FBXL7: variants seen among roughly 807,000 people sequenced by gnomAD.
FBXL7 encodes the protein F-box/LRR-repeat protein 7.
A neutral mutation model predicts 38.3 loss-of-function variants in FBXL7; 12 were observed. That is an observed-to-expected ratio of 0.31 (90% confidence interval 0.20 to 0.51). The LOEUF (loss-of-function observed/expected upper bound fraction) is 0.51. Among genes scored for constraint, FBXL7 ranks in the 20% least tolerant of loss-of-function variants. The probability of loss-of-function intolerance (pLI) is 0.98; values close to 1 mark genes in which losing one functional copy is unlikely to be tolerated. For synonymous variants in FBXL7, 297 were observed against 300.9 expected (o/e 0.99, Z 0.13); for missense variants, 567 against 676.4 (o/e 0.84, Z 1.79).
intron 2 of FBXL7, among the ~76,000 whole-genome samples, chr5:15,780,424 T>G (rs1736964470): frequency 6.6e-6 from 1 of 152,144 alleles, no homozygotes; most frequent in Admixed American, 6.6e-5. Flanking sequence ...TAATTTGAAT[T>G]GGAATTGCCC....
At chr5:15,875,684 A>T (rs1384046909) in intron 2 of FBXL7, among the ~76,000 whole-genome samples, 1 of 152,232 alleles carries the variant, frequency 6.6e-6, no homozygotes, top group Non-Finnish European at 1.5e-5. Flanking sequence ...GAGAAATGCA[A>T]ATCAAAACCA....
Position 15,937,009 on chromosome 5 carries a change from C to T in FBXL7, c.1299C>T (p.Leu433=), listed in dbSNP as rs1448785651. The T allele has an allele frequency of 2.5e-6, 4 of 1,613,914 alleles. No individual in the cohort carries two copies. The highest frequency in any genetic ancestry group is 2.5e-6 in the Non-Finnish European group (3 of 1,179,910). The change falls in exon 4 of 4, where the codon CTC becomes CTT. Residue 433 remains leucine, a synonymous_variant. Transcript: ENST00000504595. ...TGAACTGCTTCAACCTCAAGCGGCTCAGCCTCAAGTCCTGCGAGAGCATCA... is the reference window on the plus strand; with the variant it reads ...TGAACTGCTTCAACCTCAAGCGGCTTAGCCTCAAGTCCTGCGAGAGCATCA... ...LALNCFNLKR[L]SLKSCESITG...
At chr5:15,528,971 A>T (rs1199389020) in intron 1 of FBXL7, among the ~76,000 whole-genome samples, 4 of 152,332 alleles carry the variant, frequency 2.6e-5, no homozygotes, top group Non-Finnish European at 5.9e-5. Context: ...ATTTTTAAGT[A>T]TACATTATTA....
chr5:15,626,067 G>T (rs1426624909), intron 2 of FBXL7, among the ~76,000 whole-genome samples: 1 of 152,110 alleles, frequency 6.6e-6, no homozygotes, highest in African/African-American at 2.4e-5. Context: ...ATAAAGGTTT[G>T]TTTTCGTCTT....
At chr5:15,804,135 A>C (rs1737643384) in intron 2 of FBXL7, among the ~76,000 whole-genome samples, 1 of 152,178 alleles carries the variant, frequency 6.6e-6, no homozygotes, top group African/African-American at 2.4e-5. Context: ...TACATTTTGC[A>C]ATATATTTTT....
chr5:15,870,476 G>T (rs532664302), intron 2 of FBXL7, among the ~76,000 whole-genome samples: 1 of 152,080 alleles, frequency 6.6e-6, no homozygotes, highest in Admixed American at 6.6e-5. Flanking sequence ...AGAGGATGAG[G>T]TTAGATACAC....
intron 2 of FBXL7, among the ~76,000 whole-genome samples, chr5:15,711,608 G>T (rs1324076965): frequency 6.6e-6 from 1 of 152,170 alleles, no homozygotes; most frequent in African/African-American, 2.4e-5. Context: ...CATTAAGGAT[G>T]TTGAAAGCTA....
chr5:15,923,127 T>C (rs1741786774), intron 2 of FBXL7, among the ~76,000 whole-genome samples: 1 of 152,228 alleles, frequency 6.6e-6, no homozygotes, highest in Admixed American at 6.5e-5. Context: ...TATTTGTCTC[T>C]GATGTTCTCC....
chr5:15,856,980 A>G (rs913742734), intron 2 of FBXL7, among the ~76,000 whole-genome samples: 1 of 152,198 alleles, frequency 6.6e-6, no homozygotes, highest in African/African-American at 2.4e-5. Context: ...TTTGTAAGAT[A>G]AATTACCTAC....
chr5:15,811,903 T>C (rs1037230260), intron 2 of FBXL7, among the ~76,000 whole-genome samples: 3 of 152,108 alleles, frequency 2.0e-5, no homozygotes, highest in African/African-American at 4.8e-5. Flanking sequence ...TGTAAATTAG[T>C]TCAACCATTG....
intron 2 of FBXL7, among the ~76,000 whole-genome samples, chr5:15,783,642 G>T (rs1404640077): frequency 6.6e-6 from 1 of 152,160 alleles, no homozygotes; most frequent in African/African-American, 2.4e-5. Flanking sequence ...AGGTTCAGGG[G>T]ATACCCAAGA....
intron 1 of FBXL7, among the ~76,000 whole-genome samples, chr5:15,535,989 T>C (rs1249899499): frequency 6.6e-6 from 1 of 152,250 alleles, no homozygotes; most frequent in African/African-American, 2.4e-5. Context: ...GCCTTGCTGC[T>C]CTGTGCAGCC....
At chr5:15,630,698 G>C (rs954015372) in intron 2 of FBXL7, among the ~76,000 whole-genome samples, 2 of 152,114 alleles carry the variant, frequency 1.3e-5, no homozygotes, top group African/African-American at 4.8e-5. Context: ...ATTGGAACTG[G>C]ACAGGACAGA....
At chr5:15,792,240 A>C (rs16867734) in intron 2 of FBXL7, among the ~76,000 whole-genome samples, 4,761 of 152,220 alleles carry the variant, frequency 0.031, 247 homozygotes, top group African/African-American at 0.11. Context: ...GATGCCATGG[A>C]GTATCTTCCC....
At chr5:15,892,223 G>A (rs1411886218) in intron 2 of FBXL7, among the ~76,000 whole-genome samples, 1 of 152,236 alleles carries the variant, frequency 6.6e-6, no homozygotes, top group Non-Finnish European at 1.5e-5. Flanking sequence ...AGGGAAGTGT[G>A]CATGGCACAT....
chr5:15,836,733 A>G (rs1329741539), intron 2 of FBXL7, among the ~76,000 whole-genome samples: 2 of 152,166 alleles, frequency 1.3e-5, no homozygotes, highest in East Asian at 1.9e-4. Context: ...ATTTAGTCAG[A>G]GGTACTCTTC....
At chr5:15,904,962 T>C (rs1016211589) in intron 2 of FBXL7, among the ~76,000 whole-genome samples, 9 of 152,176 alleles carry the variant, frequency 5.9e-5, no homozygotes, top group Non-Finnish European at 1.3e-4. Flanking sequence ...ATTTTATGAT[T>C]GAGTTATAAG....
At chr5:15,678,428 G>T (rs1159963667) in intron 2 of FBXL7, among the ~76,000 whole-genome samples, 1 of 152,194 alleles carries the variant, frequency 6.6e-6, no homozygotes, top group Non-Finnish European at 1.5e-5. Flanking sequence ...AAGAAAGCAT[G>T]CCTTGATAGT....
intron 2 of FBXL7, among the ~76,000 whole-genome samples, chr5:15,899,319 G>A (rs1391925003): frequency 6.6e-6 from 1 of 152,138 alleles, no homozygotes; most frequent in Non-Finnish European, 1.5e-5. Context: ...GCCTGCCTCG[G>A]CCTCCCAATG....
Sources: gnomAD v4.1 joint callset for allele counts (sites outside exome capture counted in the v4.1 genomes callset) on GRCh38, gnomAD v4.1.1 for gene constraint, MANE v1.5 for transcripts, NCBI Gene and HGNC (gene_info 2026-07-23, HGNC 2026-07-21) for gene names.